The following RBBP4 variants were observed in gnomAD, a reference collection of about 807,000 sequenced individuals.
RBBP4 encodes the protein histone-binding protein RBBP4.
Under a neutral mutation model 57.2 loss-of-function variants are expected in RBBP4, and 3 were observed. The observed-to-expected ratio is 0.05, with a 90% CI of 0.02 to 0.14. RBBP4 has a LOEUF of 0.14. Among genes scored for constraint, RBBP4 ranks in the 10% least tolerant of loss-of-function variants. RBBP4 has a pLI of 1.00. For missense variants in RBBP4, 107 were observed against 520.6 expected, an observed-to-expected ratio of 0.21 and a Z score of 7.73; for synonymous variants, 151 against 171.5, an observed-to-expected ratio of 0.88 and a Z score of 0.93.
intron 3 of RBBP4, 183 bp downstream of exon 3, chr1:32,657,755 C>T (rs1192609908): frequency 9.4e-6 from 6 of 639,256 alleles, no homozygotes; most frequent in Non-Finnish European, 1.5e-5. Context: ...TTAACACATC[C>T]TTGGTTCTGT....
intron 3 of RBBP4, 75 bp from the exon 4 acceptor site, chr1:32,668,150 C>T: frequency 7.3e-7 from 1 of 1,378,360 alleles, no homozygotes; most frequent in South Asian, 1.4e-5. Context: ...AAAATCCTTT[C>T]CTGTGTTCTT....
At chr1:32,660,413 A>ATTTATTTAT (rs1553194484) in intron 3 of RBBP4, among the ~76,000 whole-genome samples, 3 of 39,558 alleles carry the variant, frequency 7.6e-5, no homozygotes, top group African/African-American at 1.2e-4. Flanking sequence ...CTGGATTTTT[A>ATTTATTTAT]TTTTATTTAT....
At chr1:32,654,202 C>T (rs1224227688) in intron 2 of RBBP4, among the ~76,000 whole-genome samples, 1 of 151,906 alleles carries the variant, frequency 6.6e-6, no homozygotes, top group Admixed American at 6.6e-5. Flanking sequence ...GTGAAAAGCC[C>T]GTCTCTACTA....
rs1648793321 is a variant in RBBP4, at chr1:32,669,772, C to T, written c.966+209C>T. Among the ~76,000 whole-genome samples the T allele has an allele frequency of 1.3e-5, 2 of 152,144 alleles. No homozygotes were observed. The highest frequency in any genetic ancestry group is 4.1e-4 in the South Asian group (2 of 4,826). On this transcript the variant is annotated intron_variant, in intron 8 of 11. Coordinates refer to ENST00000373493, the MANE Select transcript of RBBP4 (RefSeq NM_005610.3). The surrounding 1 kb of genome is among the most constrained non-coding windows in gnomAD (Gnocchi z 4.9). ...GGGCATGGTGGCGGATGCCCGTAGT[C>T]CCAGCTACTCGGGAGGCTGAGGCAG...
At chr1:32,671,638 C>G (rs976036552) in intron 8 of RBBP4, among the ~76,000 whole-genome samples, 3 of 152,018 alleles carry the variant, frequency 2.0e-5, no homozygotes, top group Non-Finnish European at 4.4e-5. Flanking sequence ...GCAGCGAGAT[C>G]CCTTGAGCCC....
intron 11 of RBBP4, among the ~76,000 whole-genome samples, chr1:32,678,088 A>C (rs1253092669): frequency 6.6e-6 from 1 of 152,210 alleles, no homozygotes; most frequent in Non-Finnish European, 1.5e-5. Context: ...CAGTGTATTT[A>C]CAGTTGTGCA....
intron 8 of RBBP4, among the ~76,000 whole-genome samples, chr1:32,670,553 C>T (rs1048537653): frequency 1.1e-5 from 1 of 92,984 alleles, no homozygotes. Flanking sequence ...TATCAAGGAG[C>T]CCCCAATTTT....
chr1:32,667,868 A>T (rs1344727627), intron 3 of RBBP4, among the ~76,000 whole-genome samples: 2 of 152,162 alleles, frequency 1.3e-5, no homozygotes, highest in Non-Finnish European at 2.9e-5. Flanking sequence ...TACCTAATAT[A>T]ATGTAAATGT....
intron 8 of RBBP4, among the ~76,000 whole-genome samples, chr1:32,671,412 G>A (rs926029858): frequency 6.6e-6 from 1 of 152,070 alleles, no homozygotes; most frequent in African/African-American, 2.4e-5. Context: ...GTGAAACCTC[G>A]TCTCTAATAA....
At position 32,683,912 on chromosome 1, in the gene RBBP4, C is replaced by A. The variant is rs1397997218; in HGVS notation, c.*4207C>A. 3 of 1,223,072 alleles carry A rather than the reference C, an allele frequency of 2.5e-6. No homozygotes were observed. Among genetic ancestry groups the A allele is most frequent in the Non-Finnish European group, 2.4e-6 (2 of 848,392 alleles). The allele number at this position is 1,223,072 out of a possible 1,614,324, so 75.8% of individuals were successfully genotyped here. ...CCTCCCAAAGTGCTAGGATTACAGG[C>A]GTGAGCCACCCCGTCCGGCCTGTTT... On this transcript the variant is annotated 3_prime_UTR_variant, in exon 12 of 12. Coordinates refer to ENST00000373493, the MANE Select transcript of RBBP4 (RefSeq NM_005610.3).
In RBBP4 at chr1:32,681,936, T is replaced by G; in HGVS notation, c.*2231T>G. ...TACTGCAGGCTTTGTTGAGAAGAGA[T>G]TGTTACAGTGTGATTTATGGATGAT... is the stretch of plus-strand genomic sequence containing the variant. On this transcript the variant is annotated 3_prime_UTR_variant, in exon 12 of 12. Coordinates refer to ENST00000373493, the MANE Select transcript of RBBP4 (RefSeq NM_005610.3). The G allele has an allele frequency of 3.0e-6, 4 of 1,332,682 alleles. No homozygotes were observed. Among genetic ancestry groups the G allele is most frequent in the Non-Finnish European group, 4.3e-6 (4 of 926,772 alleles). 82.6% of individuals were successfully genotyped at this position (1,332,682 alleles called of 1,614,324 possible). A position where few individuals can be genotyped will look rare whatever the true frequency, so the allele number is the denominator to read the frequency against.
intron 3 of RBBP4, among the ~76,000 whole-genome samples, chr1:32,667,113 T>G (rs1364479086): frequency 6.6e-6 from 1 of 152,208 alleles, no homozygotes; most frequent in Non-Finnish European, 1.5e-5. Flanking sequence ...ACCAACCAGC[T>G]TCTTGTGGGA....
Position 32,672,545 on chromosome 1 carries a change from CCT to C in RBBP4, c.1043+26_1043+27del. 7 of 1,596,738 alleles carry C rather than the reference CCT, an allele frequency of 4.4e-6. No individual in the cohort carries two copies. Among genetic ancestry groups the C allele is most frequent in the Middle Eastern group, 1.7e-4 (1 of 6,036 alleles). On this transcript the variant is annotated intron_variant, in intron 9 of 11. Transcript: ENST00000373493. The stretch of plus-strand genomic sequence containing the variant: ...ATTTAAGGTAATTCTTGTATTCATT[CCT>C]CTCTCTACATAATTATTTCCTTTAT...
chr1:32,651,705 G>T (rs1434922395), intron 1 of RBBP4: 3 of 783,142 alleles, frequency 3.8e-6, no homozygotes, highest in Non-Finnish European at 5.9e-6. Flanking sequence ...TGGCCCCTTG[G>T]CCTGGAACGG....
At chr1:32,668,671 T>C in intron 4 of RBBP4, 68 bp from the exon 5 acceptor site, 2 of 1,282,046 alleles carry the variant, frequency 1.6e-6, no homozygotes, top group Non-Finnish European at 2.2e-6. Flanking sequence ...TGACCAAAAT[T>C]CCATTATGCT....
chr1:32,673,160 C>G (rs538958007), intron 11 of RBBP4, among the ~76,000 whole-genome samples: 8 of 152,104 alleles, frequency 5.3e-5, no homozygotes, highest in Non-Finnish European at 1.0e-4. Flanking sequence ...TTCTTTCTTT[C>G]TTTTTGTATG....
chr1:32,668,458 C>G (rs1391372708), intron 4 of RBBP4, 60 bp downstream of exon 4: 2 of 1,449,306 alleles, frequency 1.4e-6, no homozygotes, highest in East Asian at 4.6e-5. Flanking sequence ...TGGTTCCACT[C>G]ACTGTGAGTT....
At chr1:32,661,982 T>A (rs1648438490) in intron 3 of RBBP4, among the ~76,000 whole-genome samples, 1 of 135,846 alleles carries the variant, frequency 7.4e-6, no homozygotes, top group African/African-American at 2.7e-5. Context: ...GCCTCTTGGG[T>A]TCAAGCGATT....
At chr1:32,659,992 A>G (rs369407471) in intron 3 of RBBP4, among the ~76,000 whole-genome samples, 1 of 152,242 alleles carries the variant, frequency 6.6e-6, no homozygotes, top group Non-Finnish European at 1.5e-5. Context: ...TTGAAGTCCC[A>G]CAACAGCGTA....
Sources: gnomAD v4.1 joint callset for allele counts (sites outside exome capture counted in the v4.1 genomes callset) on GRCh38, gnomAD v4.1.1 for gene constraint, Gnocchi (gnomAD v3.1) non-coding constraint, MANE v1.5 for transcripts, NCBI Gene and HGNC (gene_info 2026-07-23, HGNC 2026-07-21) for gene names.